Variants in ABCA13 observed in about 807,000 individuals in gnomAD.
The protein encoded by ABCA13 is ATP binding cassette subfamily A member 13.
ABCA13 carries 476 observed loss-of-function variants against 478.7 expected under a neutral mutation model. The observed-to-expected ratio is 0.99, with a 90% CI of 0.92 to 1.07. The LOEUF is 1.07. Among genes scored for constraint, ABCA13 ranks in the 50% least tolerant of loss-of-function variants. ABCA13 has a pLI of 0.00. For missense variants in ABCA13, 6,060 were observed against 5,910.6 expected, an observed-to-expected ratio of 1.03 and a Z score of -0.83; for synonymous variants, 2,252 against 2,158.9, an observed-to-expected ratio of 1.04 and a Z score of -1.20.
At chr7:48,289,942 C>A (rs1171172293) in intron 20 of ABCA13, among the ~76,000 whole-genome samples, 2 of 152,110 alleles carry the variant, frequency 1.3e-5, no homozygotes, top group African/African-American at 4.8e-5. Context: ...AAATACAAAT[C>A]TTTTTCAGGC....
intron 55 of ABCA13, among the ~76,000 whole-genome samples, chr7:48,536,551 A>G (rs1007510616): frequency 1.3e-5 from 2 of 151,908 alleles, no homozygotes; most frequent in African/African-American, 2.4e-5. Context: ...AGGAGGCTGA[A>G]GTGGGAGAAT....
chr7:48,418,986 G>A (rs1820390099), intron 41 of ABCA13, among the ~76,000 whole-genome samples: 1 of 152,208 alleles, frequency 6.6e-6, no homozygotes, highest in Non-Finnish European at 1.5e-5. Flanking sequence ...CTGCTTCTGG[G>A]GATGGAAGGT....
At chr7:48,469,722 C>T (rs1172335054) in intron 44 of ABCA13, among the ~76,000 whole-genome samples, 1 of 152,016 alleles carries the variant, frequency 6.6e-6, no homozygotes, top group Non-Finnish European at 1.5e-5. Context: ...AGTTTGAGAC[C>T]AGCCTGGCCA....
intron 55 of ABCA13, among the ~76,000 whole-genome samples, chr7:48,571,526 A>G (rs1787648231): frequency 1.3e-5 from 2 of 149,724 alleles, no homozygotes; most frequent in African/African-American, 4.9e-5. Flanking sequence ...TGTGTATGCC[A>G]TCCTATTGTG....
intron 53 of ABCA13, among the ~76,000 whole-genome samples, chr7:48,523,187 G>T (rs187192707): frequency 2.8e-3 from 419 of 151,968 alleles, no homozygotes; most frequent in African/African-American, 9.4e-3. Context: ...GCCTTTGAAC[G>T]TTATATAAAT....
At chr7:48,442,017 C>T (rs1341253195) in intron 42 of ABCA13, among the ~76,000 whole-genome samples, 1 of 152,146 alleles carries the variant, frequency 6.6e-6, no homozygotes, top group African/African-American at 2.4e-5. Flanking sequence ...GAGAGGCTTC[C>T]AGAGGAGAGA....
At chr7:48,194,722 A>G (rs1338743334) in intron 2 of ABCA13, among the ~76,000 whole-genome samples, 3 of 152,202 alleles carry the variant, frequency 2.0e-5, no homozygotes, top group African/African-American at 7.2e-5. Context: ...TTTTACACAT[A>G]TTAGGACCAT....
chr7:48,333,587 T>G (rs1157324980), intron 27 of ABCA13, among the ~76,000 whole-genome samples: 1 of 152,188 alleles, frequency 6.6e-6, no homozygotes, highest in Non-Finnish European at 1.5e-5. Context: ...TTTATTTTTG[T>G]GGGTAGTCAT....
intron 20 of ABCA13, among the ~76,000 whole-genome samples, chr7:48,288,749 G>A (rs1382887544): frequency 6.6e-6 from 1 of 152,182 alleles, no homozygotes; most frequent in African/African-American, 2.4e-5. Context: ...ATGGGAACCA[G>A]CATAGCAATT....
At chr7:48,186,003 C>T (rs1796303449) in intron 1 of ABCA13, among the ~76,000 whole-genome samples, 2 of 151,832 alleles carry the variant, frequency 1.3e-5, no homozygotes, top group South Asian at 2.1e-4. Flanking sequence ...GTCTTAAAGT[C>T]TTCTTTGTTT....
At chr7:48,633,219 A>G (rs1794303952) in intron 59 of ABCA13, among the ~76,000 whole-genome samples, 1 of 152,206 alleles carries the variant, frequency 6.6e-6, no homozygotes, top group Admixed American at 6.5e-5. Flanking sequence ...CAACTCAATA[A>G]TAAAAAGATA....
chr7:48,177,902 C>G (rs530028274), intron 1 of ABCA13, among the ~76,000 whole-genome samples: 60 of 152,348 alleles, frequency 3.9e-4, no homozygotes, highest in African/African-American at 1.3e-3. Flanking sequence ...AGGCTGAACC[C>G]TGGGAGGAAA....
intron 55 of ABCA13, among the ~76,000 whole-genome samples, chr7:48,549,978 G>C (rs1376421994): frequency 1.3e-5 from 2 of 151,790 alleles, no homozygotes; most frequent in African/African-American, 4.8e-5. Flanking sequence ...TGTCAGGTGG[G>C]TAGATTGCAA....
At chr7:48,626,706 G>T (rs544463425) in intron 59 of ABCA13, 3 of 985,426 alleles carry the variant, frequency 3.0e-6, no homozygotes, top group Non-Finnish European at 3.6e-6. Context: ...CTTTACAGCC[G>T]GCTGATCTGA....
intron 55 of ABCA13, among the ~76,000 whole-genome samples, chr7:48,549,665 AT>A (rs1785133523): frequency 6.6e-6 from 1 of 151,980 alleles, no homozygotes; most frequent in Admixed American, 6.6e-5. Context: ...GGTTGAACAA[AT>A]TTACATTCCC....
rs1044923522 is a variant in ABCA13, at chr7:48,238,709, C to T, written c.898-532C>T. ...GGTCTCTATCTCCTGACCTCGTGAT[C>T]CACCCGCCTCGGCCTCCCAAAGTGC... On this transcript the variant is annotated intron_variant, in intron 8 of 61. Coordinates refer to ENST00000435803, the MANE Select transcript of ABCA13 (RefSeq NM_152701.5). Among the ~76,000 whole-genome samples, 6 of 152,310 alleles carry T rather than the reference C, an allele frequency of 3.9e-5. No individual in the cohort carries two copies. In the East Asian group the frequency reaches 1.2e-3, roughly 29 times the overall value.
Position 48,387,903 on chromosome 7 carries a change from G to C in ABCA13, c.11417G>C (p.Arg3806Thr). Residue 3806 changes from arginine (R) to threonine (T), a missense_variant, in exon 36 of 62, where the codon AGG becomes ACG. Arg to Thr is a moderately conservative substitution (Grantham distance 71). Transcript: ENST00000435803. ...WKSVGFLVEK[R>T]QYFLSSSLFF... ...AGTGTGGGTTTCTTGGTGGAGAAAA[G>C]GCAATACTTTCTAAGTTCTAGTCTG... 1 of 1,612,540 alleles carries C rather than the reference G, an allele frequency of 6.2e-7. No individual in the cohort carries two copies. Among genetic ancestry groups the C allele is most frequent in the Non-Finnish European group, 8.5e-7 (1 of 1,179,308 alleles).
At chr7:48,231,237 A>G (rs954226241) in intron 7 of ABCA13, among the ~76,000 whole-genome samples, 1 of 152,184 alleles carries the variant, frequency 6.6e-6, no homozygotes, top group African/African-American at 2.4e-5. Flanking sequence ...AGATATGTCA[A>G]TAATAAAAAA....
At chr7:48,637,365 T>C (rs1479688759) in intron 59 of ABCA13, among the ~76,000 whole-genome samples, 1 of 76,922 alleles carries the variant, frequency 1.3e-5, no homozygotes, top group African/African-American at 6.3e-5. Context: ...GTGTTTTCTT[T>C]ATTATGTTCA....
Sources: gnomAD v4.1 joint callset for allele counts (sites outside exome capture counted in the v4.1 genomes callset) on GRCh38, gnomAD v4.1.1 for gene constraint, MANE v1.5 for transcripts, NCBI Gene and HGNC (gene_info 2026-07-23, HGNC 2026-07-21) for gene names.